PCDHGA12: variants seen among roughly 807,000 people sequenced by gnomAD.
PCDHGA12 encodes the protein protocadherin gamma-A12.
Under a neutral mutation model 61.1 loss-of-function variants are expected in PCDHGA12, and 43 were observed. The observed-to-expected ratio is 0.70, with a 90% CI of 0.55 to 0.91. PCDHGA12 has a LOEUF of 0.91. Ranked by LOEUF, PCDHGA12 falls within the 40% of genes least tolerant of loss-of-function variation. The pLI is 0.00. For missense variants in PCDHGA12, 1,236 were observed against 1,227.7 expected (o/e 1.01, Z -0.10); for synonymous variants, 520 against 542.9 (o/e 0.96, Z 0.59).
rs747179611 is a variant in PCDHGA12 at position 141,476,473 on chromosome 5, C to T, written c.2425-18334C>T. ...TAGTGGAGAACCCGCTGGAGCTGTT[C>T]AGCGTGGAAGTGGTGATCCAGGACA... On this transcript the variant is annotated intron_variant, in intron 1 of 3. Coordinates refer to ENST00000252085, the MANE Select transcript of PCDHGA12 (RefSeq NM_003735.3). The surrounding 1 kb of genome is among the most constrained non-coding windows in gnomAD (Gnocchi z 7.6). 3.1e-6 allele frequency: 5 copies of T among 1,613,888 alleles called. No homozygotes were observed. The highest frequency in any genetic ancestry group is 3.3e-5 in the Admixed American group (2 of 59,984).
chr5:141,478,839 T>G, intron 1 of PCDHGA12: 6 of 1,423,322 alleles, frequency 4.2e-6, no homozygotes, highest in Non-Finnish European at 5.5e-6. Flanking sequence ...AAGGGATGGT[T>G]AAGCTAAAAC....
chr5:141,491,434 A>T lies in PCDHGA12; in HGVS notation c.2425-3373A>T. 6.2e-7 allele frequency: 1 copy of T among 1,614,032 alleles called. No homozygotes were observed. Among genetic ancestry groups the T allele is most frequent in the Non-Finnish European group, 8.5e-7 (1 of 1,179,988 alleles). On this transcript the variant is annotated intron_variant, in intron 1 of 3. Transcript: ENST00000252085. The surrounding 1 kb of genome is among the most constrained non-coding windows in gnomAD (Gnocchi z 6.9). ...GGACGGGGGTGGAGGGCAGTGCTGC[A>T]GGCGCCAGGACTCACCCTCCCCGGA...
In PCDHGA12 at chr5:141,433,097, G is replaced by A. The variant is rs777101945; in HGVS notation, c.2338G>A (p.Val780Ile). ...FPQPNYADMLVSQESFEKSEP... is the reference protein window; with the variant it reads ...FPQPNYADMLISQESFEKSEP... ...CCAGCCCAACTATGCAGACATGCTC[G>A]TCAGCCAGGAGAGCTTTGAAAAAAG... Residue 780 changes from valine (V) to isoleucine (I), a missense_variant, in exon 1 of 4, where the codon GTC (valine) becomes ATC (isoleucine). Transcript: ENST00000252085. The A allele has an allele frequency of 6.8e-6, 11 of 1,614,044 alleles. No homozygotes were observed. The highest frequency in any genetic ancestry group is 3.3e-5 in the Admixed American group (2 of 60,006).
Position 141,431,151 on chromosome 5 carries a change from C to T in PCDHGA12, c.392C>T (p.Pro131Leu), listed in dbSNP as rs764416448. The T allele has an allele frequency of 6.2e-7, 1 of 1,614,126 alleles. No individual in the cohort carries two copies. Among genetic ancestry groups the T allele is most frequent in the African/African-American group, 1.3e-5 (1 of 74,954 alleles). The change falls in exon 1 of 4, where the codon CCT becomes CTT. Residue 131 changes from proline (P) to leucine (L), a missense_variant. Coordinates refer to ENST00000252085, the MANE Select transcript of PCDHGA12 (RefSeq NM_003735.3). The surrounding 1 kb of genome is among the most constrained non-coding windows in gnomAD (Gnocchi z 4.8). ...VEVRDINDNA[P>L]YFRESELEIK... ...GTAAGGGACATTAACGACAATGCGC[C>T]TTACTTTCGTGAAAGTGAATTAGAA...
At position 141,477,891 on chromosome 5, in the gene PCDHGA12, G is replaced by A. The variant is rs750359063; in HGVS notation, c.2425-16916G>A. 130 of 1,614,066 alleles carry A rather than the reference G, an allele frequency of 8.1e-5. 1 individual carries two copies. The highest frequency in any genetic ancestry group is 1.1e-4 in the Non-Finnish European group (125 of 1,180,050). On this transcript the variant is annotated intron_variant, in intron 1 of 3. Coordinates refer to ENST00000252085, the MANE Select transcript of PCDHGA12 (RefSeq NM_003735.3). The surrounding 1 kb of genome is among the most constrained non-coding windows in gnomAD (Gnocchi z 4.9). The stretch of plus-strand genomic sequence containing the variant: ...ACCTCAGCTGGCCACCTAGTGTCAC[G>A]GGTGGTAGGCTGGGACGCGGATGCA...
Position 141,489,079 on chromosome 5 carries a change from C to CCCCA in PCDHGA12, c.2425-5727_2425-5726insCCAC. ...CTCCCCTCCCCCCTGCCCACCCCCGCCACTCGGTGACTAAGAACTGCTGCA... is the reference window on the plus strand; with the variant it reads ...CTCCCCTCCCCCCTGCCCACCCCCGCCCCACACTCGGTGACTAAGAACTGCTGCA... On this transcript the variant is annotated intron_variant, in intron 1 of 3. Transcript: ENST00000252085. This position sits in a 1 kb window ranked among gnomAD's most constrained non-coding sequence, Gnocchi z 4.5. The CCCCA allele has an allele frequency of 9.1e-6, 3 of 329,992 alleles. No homozygotes were observed. Among genetic ancestry groups the CCCCA allele is most frequent in the African/African-American group, 2.4e-5 (1 of 41,312 alleles). The allele number at this position is 329,992 out of a possible 1,614,324, so 20.4% of individuals were successfully genotyped here.
rs192677983 is a variant in PCDHGA12 at position 141,457,339 on chromosome 5, A to G, written c.2424+24156A>G. On this transcript the variant is annotated intron_variant, in intron 1 of 3. Transcript: ENST00000252085. The stretch of plus-strand genomic sequence containing the variant: ...CCTCCGGGTTACAGGTACCTTACTT[A>G]CTTTCATTACCTGGCACAATTTGCA... Among the ~76,000 whole-genome samples the G allele has an allele frequency of 3.1e-4, 47 of 152,268 alleles. No individual in the cohort carries two copies. The South Asian group carries it at 3.3e-3, about 11-fold the overall frequency.
In PCDHGA12 at chr5:141,478,136, C is replaced by G. The variant is rs529858044; in HGVS notation, c.2425-16671C>G. 1.4e-4 allele frequency: 218 copies of G among 1,614,048 alleles called. 3 individuals are homozygous for G. The South Asian group carries it at 2.2e-3, about 17-fold the overall frequency. ...AGTAACCGAGGACTCTCCTGAAGCC[C>G]GAGCCGAGTTCCCCTCTGGCTCTGC... is the stretch of plus-strand genomic sequence containing the variant. On this transcript the variant is annotated intron_variant, in intron 1 of 3. Coordinates refer to ENST00000252085, the MANE Select transcript of PCDHGA12 (RefSeq NM_003735.3).
intron 2 of PCDHGA12, 50 bp from the exon 3 acceptor site, chr5:141,505,343 G>A: frequency 1.9e-6 from 3 of 1,612,934 alleles, no homozygotes; most frequent in Non-Finnish European, 2.5e-6. Flanking sequence ...GGAGGGGCAT[G>A]AGCTGTGCCG....
At chr5:141,460,616 TAGAC>T (rs533223594) in intron 1 of PCDHGA12, among the ~76,000 whole-genome samples, 44 of 152,232 alleles carry the variant, frequency 2.9e-4, no homozygotes, top group Middle Eastern at 3.4e-3. Context: ...GATGGATAGA[TAGAC>T]AGATACAGAT....
intron 3 of PCDHGA12, among the ~76,000 whole-genome samples, chr5:141,506,781 T>C (rs965408564): frequency 1.4e-4 from 22 of 152,168 alleles, no homozygotes; most frequent in African/African-American, 5.3e-4. Context: ...CCTGGGCTTA[T>C]AAGGAGGCTG....
At position 141,431,367 on chromosome 5, in the gene PCDHGA12, A is replaced by G; in HGVS notation, c.608A>G (p.Glu203Gly). 1.2e-6 allele frequency: 2 copies of G among 1,613,984 alleles called. No homozygotes were observed. The highest frequency in any genetic ancestry group is 2.2e-5 in the South Asian group (2 of 91,084). The change falls in exon 1 of 4, where the codon GAA (glutamate) becomes GGA (glycine). Residue 203 changes from glutamate to glycine, a missense_variant. Physicochemically the swap from Glu to Gly is moderately conservative, Grantham distance 98. Coordinates refer to ENST00000252085, the MANE Select transcript of PCDHGA12 (RefSeq NM_003735.3). This position sits in a 1 kb window ranked among gnomAD's most constrained non-coding sequence, Gnocchi z 4.8. ...GTGCTGAAACGCGCCCTGGACCGCGAAGAAAAGGCTGCTCACCACCTGGTC... is the reference window on the plus strand; with the variant it reads ...GTGCTGAAACGCGCCCTGGACCGCGGAGAAAAGGCTGCTCACCACCTGGTC... ...ELVLKRALDREEKAAHHLVLT... is the reference protein window; with the variant it reads ...ELVLKRALDRGEKAAHHLVLT...
chr5:141,462,161 T>G (rs1592764918), intron 1 of PCDHGA12, among the ~76,000 whole-genome samples: 1 of 152,148 alleles, frequency 6.6e-6, no homozygotes, highest in Non-Finnish European at 1.5e-5. Flanking sequence ...GGTTTCATCA[T>G]GTTGGCCAGG....
chr5:141,461,216 T>C (rs1050704259), intron 1 of PCDHGA12, among the ~76,000 whole-genome samples: 2 of 152,168 alleles, frequency 1.3e-5, no homozygotes, highest in African/African-American at 4.8e-5. Flanking sequence ...ATCTCCATAC[T>C]GTTTTCCATA....
intron 1 of PCDHGA12, among the ~76,000 whole-genome samples, chr5:141,436,701 A>C (rs571525375): frequency 6.9e-4 from 105 of 152,332 alleles, no homozygotes; most frequent in Non-Finnish European, 9.4e-4. Context: ...ATGCCAGCAC[A>C]CTCGATGTTC....
At position 141,490,645 on chromosome 5, in the gene PCDHGA12, C is replaced by G; in HGVS notation, c.2425-4162C>G. ...TGCTTACATCCTAGAAAACCGGCCTCCGGGCTCCCTTCTTTGCACTGTGGC... is the reference window on the plus strand; with the variant it reads ...TGCTTACATCCTAGAAAACCGGCCTGCGGGCTCCCTTCTTTGCACTGTGGC... On this transcript the variant is annotated intron_variant, in intron 1 of 3. Transcript: ENST00000252085. The surrounding 1 kb of genome is among the most constrained non-coding windows in gnomAD (Gnocchi z 5.4). 6.2e-7 allele frequency: 1 copy of G among 1,614,220 alleles called. No homozygotes were observed. Among genetic ancestry groups the G allele is most frequent in the Non-Finnish European group, 8.5e-7 (1 of 1,180,022 alleles).
In PCDHGA12 at chr5:141,511,548, A is replaced by C; in HGVS notation, c.*375A>C. 3.3e-6 allele frequency: 1 copy of C among 306,952 alleles called. No homozygotes were observed. The highest frequency in any genetic ancestry group is 6.3e-6 in the Non-Finnish European group (1 of 158,248). 19.0% of individuals were successfully genotyped at this position (306,952 alleles called of 1,614,324 possible). ...CCTCCCTCCTCCCCACCCCACTCCA[A>C]CAGTTCCTCTTTCCCGAGTAAGGTG... is the stretch of plus-strand genomic sequence containing the variant. On this transcript the variant is annotated 3_prime_UTR_variant, in exon 4 of 4. Transcript: ENST00000252085.
Position 141,484,647 on chromosome 5 carries a change from G to A in PCDHGA12, c.2425-10160G>A, listed in dbSNP as rs556711906. Among the ~76,000 whole-genome samples, 104 of 152,066 alleles carry A rather than the reference G, an allele frequency of 6.8e-4. 3 individuals carry two copies. Among genetic ancestry groups the A allele is most frequent in the East Asian group, 1.2e-3 (6 of 5,166 alleles). ...TGAACAAAGTGACCACTCTCCAATG[G>A]CTACTCTCCCTCTCAGTGGGCCGCA... On this transcript the variant is annotated intron_variant, in intron 1 of 3. Transcript: ENST00000252085.
At chr5:141,502,488 T>A (rs1273845698) in intron 2 of PCDHGA12, among the ~76,000 whole-genome samples, 1 of 152,236 alleles carries the variant, frequency 6.6e-6, no homozygotes, top group Non-Finnish European at 1.5e-5. Context: ...ACACTGGGAC[T>A]CATCTAACGT....
Sources: allele counts gnomAD v4.1 joint callset (sites outside exome capture counted in the v4.1 genomes callset), GRCh38; gene constraint gnomAD v4.1.1; non-coding constraint Gnocchi (gnomAD v3.1); transcripts MANE v1.5; gene names NCBI Gene and HGNC (gene_info 2026-07-23, HGNC 2026-07-21).